The following PKN2 variants were observed in gnomAD, a reference collection of about 807,000 sequenced individuals.
PKN2 encodes serine/threonine-protein kinase N2.
In PKN2, 38 loss-of-function variants were observed where a neutral mutation model predicts 119.1. The ratio of observed to expected loss-of-function variants is 0.32; its 90% CI spans 0.25 to 0.42. PKN2 has a LOEUF of 0.42. Among genes scored for constraint, PKN2 ranks in the 10% least tolerant of loss-of-function variants. PKN2 has a pLI of 1.00. For missense variants in PKN2, 850 were observed against 1,165.1 expected (o/e 0.73, Z 3.94); for synonymous variants, 390 against 384.9 (o/e 1.01, Z -0.15).
chr1:88,799,839 ACT>A (rs1042266574), intron 8 of PKN2, among the ~76,000 whole-genome samples: 1 of 151,354 alleles, frequency 6.6e-6, no homozygotes, highest in Admixed American at 6.6e-5. Context: ...AATTTAAAAA[ACT>A]CTCTTTAGTT....
intron 8 of PKN2, among the ~76,000 whole-genome samples, chr1:88,790,723 C>G (rs1670796448): frequency 6.6e-6 from 1 of 152,036 alleles, no homozygotes; most frequent in Non-Finnish European, 1.5e-5. Context: ...TGTTTCAGAT[C>G]CAATAAATTT....
At chr1:88,825,130 A>G (rs1672445758) in intron 18 of PKN2, among the ~76,000 whole-genome samples, 1 of 152,238 alleles carries the variant, frequency 6.6e-6, no homozygotes, top group African/African-American at 2.4e-5. Context: ...TGTTTGATTA[A>G]TAAGTAGTTG....
chr1:88,741,599 G>A (rs1048408663), intron 2 of PKN2, among the ~76,000 whole-genome samples: 1 of 151,962 alleles, frequency 6.6e-6, no homozygotes, highest in Non-Finnish European at 1.5e-5. Context: ...ATGCTTTTAC[G>A]TGATTCATCC....
intron 8 of PKN2, among the ~76,000 whole-genome samples, chr1:88,800,695 T>C (rs1368594202): frequency 6.6e-6 from 1 of 152,234 alleles, no homozygotes; most frequent in East Asian, 1.9e-4. Context: ...GCTAATTCTT[T>C]TATGATAGAT....
intron 15 of PKN2, among the ~76,000 whole-genome samples, chr1:88,810,202 CCT>C (rs1671725987): frequency 6.6e-6 from 1 of 151,408 alleles, no homozygotes; most frequent in Admixed American, 6.6e-5. Context: ...CTCACTGCAA[CCT>C]CTCCCTTTCA....
intron 1 of PKN2, among the ~76,000 whole-genome samples, chr1:88,731,145 TAA>T (rs983099551): frequency 3.3e-5 from 5 of 152,208 alleles, no homozygotes; most frequent in African/African-American, 1.2e-4. Context: ...ATGTTTTGAA[TAA>T]AGTTTTTTTT....
At chr1:88,687,414 C>CT (rs1465333599) in intron 1 of PKN2, among the ~76,000 whole-genome samples, 1 of 152,032 alleles carries the variant, frequency 6.6e-6, no homozygotes, top group African/African-American at 2.4e-5. Context: ...GTTGTATTCT[C>CT]TTTTTTTATT....
intron 6 of PKN2, among the ~76,000 whole-genome samples, chr1:88,772,123 G>A (rs186145752): frequency 2.6e-4 from 39 of 152,212 alleles, no homozygotes; most frequent in African/African-American, 7.7e-4. Context: ...AAAAGGAAAC[G>A]CATACCTGTT....
chr1:88,787,605 G>A (rs889514840), intron 8 of PKN2, among the ~76,000 whole-genome samples: 2 of 152,174 alleles, frequency 1.3e-5, no homozygotes, highest in African/African-American at 4.8e-5. Flanking sequence ...AGAGTGCCTG[G>A]AAGAGATAAT....
At chr1:88,705,466 A>G (rs1201668924) in intron 1 of PKN2, among the ~76,000 whole-genome samples, 1 of 151,988 alleles carries the variant, frequency 6.6e-6, no homozygotes, top group African/African-American at 2.4e-5. Context: ...AGGCCGAGGC[A>G]GGCAGATCAC....
intron 4 of PKN2, among the ~76,000 whole-genome samples, chr1:88,770,678 C>T (rs1283317162): frequency 6.6e-6 from 1 of 150,810 alleles, no homozygotes; most frequent in Admixed American, 6.6e-5. Flanking sequence ...CTCCGCCTCC[C>T]GGGTTCACGC....
intron 16 of PKN2, among the ~76,000 whole-genome samples, chr1:88,818,774 A>G (rs558167815): frequency 6.6e-6 from 1 of 152,330 alleles, no homozygotes; most frequent in South Asian, 2.1e-4. Flanking sequence ...CCTGATTTCA[A>G]ACTATACTAC....
At chr1:88,780,270 A>G (rs1486843545) in intron 6 of PKN2, among the ~76,000 whole-genome samples, 3 of 152,156 alleles carry the variant, frequency 2.0e-5, no homozygotes, top group African/African-American at 7.2e-5. Flanking sequence ...TTTGTTAGGA[A>G]AGCAATCATA....
At chr1:88,735,872 T>G (rs925431911) in intron 1 of PKN2, among the ~76,000 whole-genome samples, 1 of 152,122 alleles carries the variant, frequency 6.6e-6, no homozygotes, top group African/African-American at 2.4e-5. Flanking sequence ...ATTTGTATCT[T>G]TCTCTAGTTT....
rs149191666 is a variant in PKN2 at position 88,827,412 on chromosome 1, A to G, written c.2420-1069A>G. On this transcript the variant is annotated intron_variant, in intron 18 of 21. Coordinates refer to ENST00000370521, the MANE Select transcript of PKN2 (RefSeq NM_006256.4). ...CCAAGTCTAAACACAAAATTTATAT[A>G]TGTTTCATATATACCTTATACATAG... is the stretch of plus-strand genomic sequence containing the variant. Among the ~76,000 whole-genome samples the G allele has an allele frequency of 5.3e-5, 8 of 152,114 alleles. 2 individuals carry two copies. Among genetic ancestry groups the G allele is most frequent in the African/African-American group, 1.9e-4 (8 of 41,540 alleles).
chr1:88,694,831 A>G (rs1277736643), intron 1 of PKN2, among the ~76,000 whole-genome samples: 1 of 152,142 alleles, frequency 6.6e-6, no homozygotes, highest in African/African-American at 2.4e-5. Flanking sequence ...ATTTCTGTTT[A>G]TTTAATAGCA....
At chr1:88,771,192 T>A (rs1467975836) in intron 4 of PKN2, among the ~76,000 whole-genome samples, 1 of 152,174 alleles carries the variant, frequency 6.6e-6, no homozygotes, top group Non-Finnish European at 1.5e-5. Flanking sequence ...TATTTGGATA[T>A]CTTTCAGCTC....
In PKN2 at chr1:88,810,318, C is replaced by A. The variant is rs529393796; in HGVS notation, c.2102+2543C>A. Among the ~76,000 whole-genome samples, 7 of 151,570 alleles carry A rather than the reference C, an allele frequency of 4.6e-5. No individual in the cohort carries two copies. The South Asian group carries it at 1.3e-3, about 27-fold the overall frequency. ...TGTATTTTTAGTAGAAATGGGGTTT[C>A]ACCATGTTAGCCAGGCTGGTCTCAA... On this transcript the variant is annotated intron_variant, in intron 15 of 21. Coordinates refer to ENST00000370521, the MANE Select transcript of PKN2 (RefSeq NM_006256.4).
At chr1:88,734,708 A>AT (rs1383357945) in intron 1 of PKN2, among the ~76,000 whole-genome samples, 1 of 151,586 alleles carries the variant, frequency 6.6e-6, no homozygotes, top group Non-Finnish European at 1.5e-5. Flanking sequence ...TGGTTAGGTG[A>AT]TTTTCTCTAG....
Sources: gnomAD v4.1 joint callset for allele counts (sites outside exome capture counted in the v4.1 genomes callset) on GRCh38, gnomAD v4.1.1 for gene constraint, MANE v1.5 for transcripts, NCBI Gene and HGNC (gene_info 2026-07-23, HGNC 2026-07-21) for gene names.